CLNK: variants seen among roughly 807,000 people sequenced by gnomAD.
CLNK encodes the protein cytokine dependent hematopoietic cell linker, also known as cytokine-dependent hematopoietic cell linker.
A neutral mutation model predicts 68.6 loss-of-function variants in CLNK; 74 were observed. That is an observed-to-expected ratio of 1.08 (90% CI 0.89 to 1.31). The LOEUF is 1.31. CLNK is among the 50% of genes most tolerant of loss of function. The pLI, the probability that CLNK is intolerant of heterozygous loss-of-function variation, is 0.00. For missense variants in CLNK, 553 were observed against 515.3 expected (o/e 1.07, Z -0.71); for synonymous variants, 198 against 172.2 (o/e 1.15, Z -1.17).
chr4:10,572,157 C>G (rs1256252935), intron 4 of CLNK, among the ~76,000 whole-genome samples: 1 of 152,214 alleles, frequency 6.6e-6, no homozygotes. Context: ...TTTTATTTTC[C>G]CTTCTCTTCC....
At chr4:10,678,149 A>C (rs905533300) in intron 1 of CLNK, among the ~76,000 whole-genome samples, 1 of 152,204 alleles carries the variant, frequency 6.6e-6, no homozygotes, top group Non-Finnish European at 1.5e-5. Flanking sequence ...ATTCAGGATC[A>C]CTTATCTAGC....
intron 4 of CLNK, among the ~76,000 whole-genome samples, chr4:10,583,259 T>G (rs2108835900): frequency 6.6e-6 from 1 of 152,230 alleles, no homozygotes; most frequent in African/African-American, 2.4e-5. Flanking sequence ...TGCTGGGCTG[T>G]TATTTCTTTC....
chr4:10,515,460 T>C (rs1717795808), intron 15 of CLNK, among the ~76,000 whole-genome samples: 1 of 152,044 alleles, frequency 6.6e-6, no homozygotes, highest in Admixed American at 6.6e-5. Flanking sequence ...TTTTTTTTTT[T>C]CAACTTGAAA....
chr4:10,593,445 A>G (rs1405474853), intron 3 of CLNK, among the ~76,000 whole-genome samples: 4 of 152,098 alleles, frequency 2.6e-5, no homozygotes, highest in African/African-American at 4.8e-5. Context: ...ACTTGAGGTC[A>G]GGAGTTCGAG....
At chr4:10,686,432 T>C (rs1725274528), upstream of CLNK, among the ~76,000 whole-genome samples, 1 of 151,916 alleles carries the variant, frequency 6.6e-6, no homozygotes, top group South Asian at 2.1e-4. Context: ...GAGAGGCAGT[T>C]GGATGATCTA....
At chr4:10,567,943 G>A (rs999579688) in intron 5 of CLNK, among the ~76,000 whole-genome samples, 2 of 152,196 alleles carry the variant, frequency 1.3e-5, no homozygotes, top group African/African-American at 4.8e-5. Context: ...AGAATGTGGA[G>A]AATTTGAGGA....
chr4:10,525,998 C>G, intron 13 of CLNK, 76 bp from the exon 14 acceptor site: 2 of 803,354 alleles, frequency 2.5e-6, no homozygotes, highest in South Asian at 3.3e-5. Flanking sequence ...CCCACTGGAA[C>G]TACTATAATT....
chr4:10,655,950 A>G (rs914823779), intron 2 of CLNK, among the ~76,000 whole-genome samples: 5 of 152,072 alleles, frequency 3.3e-5, no homozygotes, highest in Non-Finnish European at 7.4e-5. Context: ...CGCCCGGCCG[A>G]TAGCATTTTT....
chr4:10,681,761 T>C (rs1214651167), intron 1 of CLNK, among the ~76,000 whole-genome samples: 1 of 152,202 alleles, frequency 6.6e-6, no homozygotes, highest in Non-Finnish European at 1.5e-5. Flanking sequence ...AGGGTACTCA[T>C]GGAGCACCAT....
chr4:10,705,573 CCA>C, the CLNK span, among the ~76,000 whole-genome samples: 2 of 152,118 alleles, frequency 1.3e-5, no homozygotes, highest in Admixed American at 1.3e-4. Context: ...TCTTCAAATC[CCA>C]CAGTGTTGGG....
the CLNK span, among the ~76,000 whole-genome samples, chr4:10,710,013 G>A: frequency 6.6e-6 from 1 of 152,214 alleles, no homozygotes; most frequent in East Asian, 1.9e-4. Context: ...ACTGTTTCAA[G>A]TCTTTGATAT....
At chr4:10,657,743 A>C (rs933992951) in intron 2 of CLNK, among the ~76,000 whole-genome samples, 4 of 152,324 alleles carry the variant, frequency 2.6e-5, no homozygotes, top group African/African-American at 9.6e-5. Context: ...CCAGACGGCC[A>C]ACACAGGATT....
chr4:10,578,579 C>CTTTTTTTTT (rs5856062), intron 4 of CLNK, among the ~76,000 whole-genome samples: 10 of 44,922 alleles, frequency 2.2e-4, no homozygotes, highest in African/African-American at 7.0e-4. Context: ...CTTACCTTAT[C>CTTTTTTTTT]TTTTTTTTTT....
At chr4:10,543,376 A>G (rs1412832021) in intron 8 of CLNK, among the ~76,000 whole-genome samples, 1 of 152,056 alleles carries the variant, frequency 6.6e-6, no homozygotes, top group East Asian at 1.9e-4. Flanking sequence ...TTGTTATAGG[A>G]GACTTAAACC....
At chr4:10,606,675 T>G (rs1297704844) in intron 2 of CLNK, among the ~76,000 whole-genome samples, 1 of 152,198 alleles carries the variant, frequency 6.6e-6, no homozygotes, top group East Asian at 1.9e-4. Context: ...TACTAGGTGA[T>G]AGGAAGTTTG....
intron 2 of CLNK, among the ~76,000 whole-genome samples, chr4:10,648,727 A>G (rs1723615150): frequency 6.6e-6 from 1 of 152,196 alleles, no homozygotes; most frequent in African/African-American, 2.4e-5. Context: ...TTCTGAGTCA[A>G]TGGTTTCCCC....
At chr4:10,641,471 T>A (rs1723304848) in intron 2 of CLNK, among the ~76,000 whole-genome samples, 1 of 152,146 alleles carries the variant, frequency 6.6e-6, no homozygotes, top group East Asian at 1.9e-4. Context: ...GGAGACCCCA[T>A]TGCCCTTGGG....
At chr4:10,699,796 G>C in the CLNK span, among the ~76,000 whole-genome samples, 1 of 151,654 alleles carries the variant, frequency 6.6e-6, no homozygotes, top group African/African-American at 2.4e-5. Flanking sequence ...TTATAGGCAT[G>C]AGCCACGGCA....
chr4:10,576,058 C>T (rs147704834), intron 4 of CLNK, among the ~76,000 whole-genome samples: 103 of 152,300 alleles, frequency 6.8e-4, no homozygotes, highest in African/African-American at 2.3e-3. Flanking sequence ...CAGAGATGGG[C>T]ATATGGTGAA....
Sources: allele counts gnomAD v4.1 joint callset (sites outside exome capture counted in the v4.1 genomes callset), GRCh38; gene constraint gnomAD v4.1.1; transcripts MANE v1.5; gene names NCBI Gene and HGNC (gene_info 2026-07-23, HGNC 2026-07-21).